Variants in ALK observed in about 807,000 individuals in gnomAD.
The protein encoded by ALK is ALK tyrosine kinase receptor.
ALK carries 74 observed loss-of-function variants against 163.1 expected under a neutral mutation model. That is an observed-to-expected ratio of 0.45 (90% CI 0.38 to 0.55). The LOEUF is 0.55. ALK is among the 20% of genes least tolerant of loss of function. The pLI is 0.00. For missense variants in ALK, 2,063 were observed against 2,105.3 expected, an observed-to-expected ratio of 0.98 and a Z score of 0.39; for synonymous variants, 960 against 843.2, an observed-to-expected ratio of 1.14 and a Z score of -2.40.
intron 4 of ALK, among the ~76,000 whole-genome samples, chr2:29,463,158 C>T (rs928737020): frequency 6.6e-6 from 1 of 152,060 alleles, no homozygotes; most frequent in African/African-American, 2.4e-5. Flanking sequence ...AATTTTATTT[C>T]CTTCTTTTAG....
At chr2:29,452,197 T>C (rs1477115132) in intron 4 of ALK, among the ~76,000 whole-genome samples, 1 of 152,170 alleles carries the variant, frequency 6.6e-6, no homozygotes, top group African/African-American at 2.4e-5. Flanking sequence ...CTTGGCCCCT[T>C]ACTCCCTGCA....
At chr2:29,752,186 GTTTATT>G (rs1461328697) in intron 1 of ALK, among the ~76,000 whole-genome samples, 1 of 151,854 alleles carries the variant, frequency 6.6e-6, no homozygotes, top group Non-Finnish European at 1.5e-5. Flanking sequence ...GCCTTTTTTT[GTTTATT>G]TTTATTATTA....
chr2:29,613,331 C>T (rs1171097194), intron 3 of ALK, among the ~76,000 whole-genome samples: 1 of 152,134 alleles, frequency 6.6e-6, no homozygotes, highest in Admixed American at 6.6e-5. Flanking sequence ...TCTTGGCTTT[C>T]CTTCCATTTT....
chr2:29,736,116 G>A (rs1459038274), intron 1 of ALK, among the ~76,000 whole-genome samples: 1 of 151,988 alleles, frequency 6.6e-6, no homozygotes, highest in East Asian at 1.9e-4. Context: ...CTCTATATAT[G>A]TAGTTCATTT....
At chr2:29,624,544 G>C (rs894887339) in intron 3 of ALK, among the ~76,000 whole-genome samples, 40 of 152,136 alleles carry the variant, frequency 2.6e-4, no homozygotes, top group African/African-American at 9.4e-4. Flanking sequence ...GAACTGCAGG[G>C]AAGCCACCAC....
At chr2:29,897,922 T>C (rs959785213) in intron 1 of ALK, among the ~76,000 whole-genome samples, 4 of 151,916 alleles carry the variant, frequency 2.6e-5, no homozygotes, top group East Asian at 1.9e-4. Flanking sequence ...GCTTGTGCTA[T>C]AGAGAGAGGT....
intron 5 of ALK, among the ~76,000 whole-genome samples, chr2:29,350,227 G>C (rs1207018274): frequency 2.6e-5 from 4 of 152,236 alleles, no homozygotes; most frequent in Admixed American, 2.0e-4. Flanking sequence ...GGTCTATCGG[G>C]ACTGGTTGAA....
At chr2:29,243,946 G>C (rs552065569) in intron 12 of ALK, among the ~76,000 whole-genome samples, 148 of 152,292 alleles carry the variant, frequency 9.7e-4, no homozygotes, top group Non-Finnish European at 1.7e-3. Context: ...GGTCAGAAGA[G>C]ATGTTTATTG....
intron 1 of ALK, among the ~76,000 whole-genome samples, chr2:29,910,572 GA>G (rs1667676021): frequency 6.6e-6 from 1 of 152,070 alleles, no homozygotes; most frequent in African/African-American, 2.4e-5. Flanking sequence ...AAAATCCTAT[GA>G]TAAAAAGAAA....
intron 1 of ALK, among the ~76,000 whole-genome samples, chr2:29,908,836 T>C (rs1323679495): frequency 1.3e-5 from 2 of 152,270 alleles, no homozygotes; most frequent in Non-Finnish European, 2.9e-5. Flanking sequence ...TGCTGCCTTT[T>C]ATTGGAGTTA....
At chr2:29,811,981 C>T (rs1034822064) in intron 1 of ALK, among the ~76,000 whole-genome samples, 4 of 152,164 alleles carry the variant, frequency 2.6e-5, no homozygotes, top group African/African-American at 4.8e-5. Flanking sequence ...AGGGGTGAAA[C>T]ACACATGGCA....
At chr2:29,636,159 G>T (rs745692697) in intron 3 of ALK, among the ~76,000 whole-genome samples, 1 of 152,112 alleles carries the variant, frequency 6.6e-6, no homozygotes, top group African/African-American at 2.4e-5. Flanking sequence ...GTGGTGTTGG[G>T]GGAGGAATAT....
At position 29,920,251 on chromosome 2, in the gene ALK, G is replaced by A. The variant is rs757382067; in HGVS notation, c.409C>T (p.Arg137Cys). 2 of 1,606,566 alleles carry A rather than the reference G, an allele frequency of 1.2e-6. No homozygotes were observed. Residue 137 changes from arginine (R) to cysteine (C), a missense_variant, in exon 1 of 29, where the codon CGT becomes TGT. Arg to Cys is a radical substitution (Grantham distance 180). Transcript: ENST00000389048. ...AGCTCCAGCACCAACTGCTTGGCACGCCGGAGCTTGCGCACGGAGCCGCCC... is the reference window on the plus strand; with the variant it reads ...AGCTCCAGCACCAACTGCTTGGCACACCGGAGCTTGCGCACGGAGCCGCCC... ...LKGGSVRKLR[R>C]AKQLVLELGE...
At chr2:29,817,252 G>A (rs1403454363) in intron 1 of ALK, among the ~76,000 whole-genome samples, 1 of 152,182 alleles carries the variant, frequency 6.6e-6, no homozygotes, top group African/African-American at 2.4e-5. Context: ...CCTGAATACT[G>A]ATCTTAGTCC....
At chr2:29,222,716 G>T in intron 20 of ALK, 109 bp from the exon 21 acceptor site, 1 of 906,374 alleles carries the variant, frequency 1.1e-6, no homozygotes, top group Non-Finnish European at 1.8e-6. Flanking sequence ...CACGAGAGGC[G>T]GGGGTAACAT....
intron 1 of ALK, among the ~76,000 whole-genome samples, chr2:29,857,146 A>G (rs1464211337): frequency 6.6e-6 from 1 of 152,228 alleles, no homozygotes; most frequent in Non-Finnish European, 1.5e-5. Context: ...AATGTGCAGT[A>G]CACTTTCAGA....
chr2:29,446,858 A>T (rs1425034795), intron 4 of ALK, among the ~76,000 whole-genome samples: 1 of 152,258 alleles, frequency 6.6e-6, no homozygotes, highest in East Asian at 1.9e-4. Context: ...TTACCCTTCC[A>T]GCTGTTTTAT....
At chr2:29,371,489 C>T (rs1668636322) in intron 5 of ALK, among the ~76,000 whole-genome samples, 1 of 152,198 alleles carries the variant, frequency 6.6e-6, no homozygotes, top group Admixed American at 6.5e-5. Flanking sequence ...TCTCCAGGAT[C>T]TTCAGCTAAA....
chr2:29,195,611 T>C (rs111401029), intron 28 of ALK, among the ~76,000 whole-genome samples: 3,422 of 152,258 alleles, frequency 0.022, 124 homozygotes, highest in African/African-American at 0.079. Context: ...GGCACATGCC[T>C]GTAATCCTGG....
Sources: allele counts gnomAD v4.1 joint callset (sites outside exome capture counted in the v4.1 genomes callset), GRCh38; gene constraint gnomAD v4.1.1; transcripts MANE v1.5; gene names NCBI Gene and HGNC (gene_info 2026-07-23, HGNC 2026-07-21).